The following BCO2 variants were observed in gnomAD, a reference collection of about 807,000 sequenced individuals.
BCO2 encodes the protein carotenoid-cleaving dioxygenase, mitochondrial.
BCO2 carries 56 observed loss-of-function variants against 65.8 expected under a neutral mutation model. That is an observed-to-expected ratio of 0.85 (90% CI 0.69 to 1.06). The LOEUF (loss-of-function observed/expected upper bound fraction) is 1.06. Ranked by LOEUF, BCO2 falls within the 50% of genes least tolerant of loss-of-function variation. The probability of loss-of-function intolerance (pLI) is 0.00; values close to 1 mark genes in which losing one functional copy is unlikely to be tolerated. For missense variants in BCO2, 675 were observed against 698.5 expected, an observed-to-expected ratio of 0.97 and a Z score of 0.38; for synonymous variants, 233 against 242.3, an observed-to-expected ratio of 0.96 and a Z score of 0.36.
intron 10 of BCO2, chr11:112,215,319 G>A (rs968749223): frequency 1.1e-5 from 3 of 264,584 alleles, no homozygotes; most frequent in African/African-American, 6.9e-5. Context: ...AACTCAGTAG[G>A]CCTGATTCTT....
Position 112,211,319 on chromosome 11 carries a change from T to TACAC in BCO2, c.1195-2375_1195-2372dup, listed in dbSNP as rs71060232. On this transcript the variant is annotated intron_variant, in intron 8 of 11. Coordinates refer to ENST00000357685, the MANE Select transcript of BCO2 (RefSeq NM_031938.7). ...TAAGGTTAAATAATATTCGATTGTA[T>TACAC]ACACACACACACACACACACACACA... 1.5e-3 allele frequency among the ~76,000 whole-genome samples: 194 copies of TACAC among 128,494 alleles called. 4 individuals carry two copies. The Middle Eastern group carries it at 0.02, about 13-fold the overall frequency. 84.3% of individuals were successfully genotyped at this position (128,494 alleles called of 152,430 possible).
At chr11:112,197,065 A>G (rs1867603361) in intron 5 of BCO2, among the ~76,000 whole-genome samples, 2 of 150,342 alleles carry the variant, frequency 1.3e-5, no homozygotes, top group African/African-American at 2.5e-5. Context: ...CTGGACTTGA[A>G]CTCCTGGGCT....
chr11:112,216,071 C>A (rs571053564), intron 10 of BCO2, 149 bp from the exon 11 acceptor site: 1 of 630,720 alleles, frequency 1.6e-6, no homozygotes, highest in East Asian at 2.8e-5. Flanking sequence ...CCACCTTCAG[C>A]ACTGGGCTCA....
At chr11:112,184,419 A>AT (rs938893543) in intron 2 of BCO2, among the ~76,000 whole-genome samples, 1 of 151,630 alleles carries the variant, frequency 6.6e-6, no homozygotes. Context: ...CGCCTGGCTA[A>AT]TTTTTTTGTA....
intron 6 of BCO2, 41 bp downstream of exon 6, chr11:112,199,868 T>C: frequency 6.2e-7 from 1 of 1,604,544 alleles, no homozygotes; most frequent in Non-Finnish European, 8.5e-7. Flanking sequence ...GGCTCTGCCT[T>C]GATGTTGCTG....
intron 2 of BCO2, among the ~76,000 whole-genome samples, chr11:112,182,199 C>A (rs1457964772): frequency 6.6e-6 from 1 of 152,068 alleles, no homozygotes; most frequent in African/African-American, 2.4e-5. Context: ...AGTCAGGAAA[C>A]AACAGGTGCT....
Position 112,179,424 on chromosome 11 carries a change from T to G in BCO2, c.235T>G (p.Trp79Gly). Residue 79 changes from tryptophan (W) to glycine (G), a missense_variant, in exon 2 of 12, where the codon TGG (tryptophan) becomes GGG (glycine). Physicochemically the swap from Trp to Gly is radical, Grantham distance 184. Transcript: ENST00000357685. The stretch of plus-strand genomic sequence containing the variant: ...TCGAGTCTGGGGACATTTTCCTAAG[T>G]GGCTCAATGGCTCTCTACTTCGAAT... ...SARVWGHFPK[W>G]LNGSLLRIGP... is the part of the protein sequence containing the mutation. 1.2e-6 allele frequency: 2 copies of G among 1,614,158 alleles called. No homozygotes were observed. Among genetic ancestry groups the G allele is most frequent in the South Asian group, 1.1e-5 (1 of 91,082 alleles).
chr11:112,189,203 T>TG (rs1867294771), intron 2 of BCO2, among the ~76,000 whole-genome samples: 1 of 152,006 alleles, frequency 6.6e-6, no homozygotes, highest in Admixed American at 6.6e-5. Context: ...CCAAAATTGA[T>TG]GGAGGCCAGG....
Position 112,212,159 on chromosome 11 carries a change from G to T in BCO2, c.1195-1565G>T, listed in dbSNP as rs149021875. On this transcript the variant is annotated intron_variant, in intron 8 of 11. Coordinates refer to ENST00000357685, the MANE Select transcript of BCO2 (RefSeq NM_031938.7). ...ATAGACTAGGTATATGGGAGGAAATGGTGCAGTTTGTTCTCCATCCTACAG... is the reference window on the plus strand; with the variant it reads ...ATAGACTAGGTATATGGGAGGAAATTGTGCAGTTTGTTCTCCATCCTACAG... Among the ~76,000 whole-genome samples the T allele has an allele frequency of 4.7e-4, 72 of 152,254 alleles. 1 individual carries two copies. Among genetic ancestry groups the T allele is most frequent in the African/African-American group, 1.7e-3 (71 of 41,534 alleles).
At chr11:112,212,602 C>T (rs770307952) in intron 8 of BCO2, among the ~76,000 whole-genome samples, 2 of 152,132 alleles carry the variant, frequency 1.3e-5, no homozygotes, top group Non-Finnish European at 2.9e-5. Context: ...GTACATGCTT[C>T]CAAGAGTCCT....
At chr11:112,213,687 G>A in intron 8 of BCO2, 37 bp from the exon 9 acceptor site, 1 of 1,600,204 alleles carries the variant, frequency 6.2e-7, no homozygotes. Context: ...GTTACCATAT[G>A]AATGACAATT....
At chr11:112,193,070 C>T (rs1223841612) in intron 2 of BCO2, among the ~76,000 whole-genome samples, 1 of 150,676 alleles carries the variant, frequency 6.6e-6, no homozygotes, top group South Asian at 2.1e-4. Context: ...CTCCGCCTCC[C>T]AGGTTCACGC....
intron 2 of BCO2, among the ~76,000 whole-genome samples, chr11:112,184,947 T>C (rs1461381874): frequency 4.6e-5 from 7 of 152,218 alleles, no homozygotes; most frequent in African/African-American, 1.7e-4. Flanking sequence ...TTCTTCCATA[T>C]GTACATATGC....
At chr11:112,194,593 A>G (rs148430792) in intron 4 of BCO2, 60 bp from the exon 5 acceptor site, 23 of 970,038 alleles carry the variant, frequency 2.4e-5, no homozygotes, top group Admixed American at 1.4e-4. Context: ...TATTTCTACT[A>G]TTTATGCATG....
intron 1 of BCO2, 99 bp downstream of exon 1, chr11:112,175,788 A>C (rs1260519932): frequency 1.9e-6 from 2 of 1,036,048 alleles, no homozygotes; most frequent in Admixed American, 3.7e-5. Flanking sequence ...GGAGCTTCTG[A>C]AGCTTTGTGT....
At chr11:112,195,035 C>G (rs577438491) in intron 5 of BCO2, among the ~76,000 whole-genome samples, 2 of 151,796 alleles carry the variant, frequency 1.3e-5, no homozygotes, top group South Asian at 4.2e-4. Context: ...TTATCTTGAT[C>G]ATTAAAAAAA....
chr11:112,187,685 G>A (rs4084132), intron 2 of BCO2, among the ~76,000 whole-genome samples: 34,766 of 151,998 alleles, frequency 0.23, 4,080 homozygotes, highest in Middle Eastern at 0.27. Flanking sequence ...ATCAGAGGAC[G>A]CAGCTCTTTT....
chr11:112,193,686 G>T lies in BCO2; in HGVS notation c.506G>T (p.Gly169Val). 1 of 1,613,546 alleles carries T rather than the reference G, an allele frequency of 6.2e-7. No homozygotes were observed. The highest frequency in any genetic ancestry group is 8.5e-7 in the Non-Finnish European group (1 of 1,179,640). Residue 169 changes from glycine to valine, a missense_variant, in exon 3 of 12, where the codon GGT (glycine) becomes GTT (valine). Coordinates refer to ENST00000357685, the MANE Select transcript of BCO2 (RefSeq NM_031938.7). ...ERFMSRFELP[G>V]KAAAMTDNTN... is the part of the protein sequence containing the mutation. ...TTCATGTCCAGGTTTGAGCTGCCTGGTAAAGCTGCAGGTGATAGTGATGAT... is the reference window on the plus strand; with the variant it reads ...TTCATGTCCAGGTTTGAGCTGCCTGTTAAAGCTGCAGGTGATAGTGATGAT...
At chr11:112,178,158 A>G (rs1428916399) in intron 1 of BCO2, among the ~76,000 whole-genome samples, 2 of 151,624 alleles carry the variant, frequency 1.3e-5, no homozygotes, top group South Asian at 4.2e-4. Flanking sequence ...CAGGTGATCC[A>G]CCTGCCTTGG....
Sources: allele counts gnomAD v4.1 joint callset (sites outside exome capture counted in the v4.1 genomes callset), GRCh38; gene constraint gnomAD v4.1.1; transcripts MANE v1.5; gene names NCBI Gene and HGNC (gene_info 2026-07-23, HGNC 2026-07-21).